The following CELF2 variants were observed in gnomAD, a reference collection of about 807,000 sequenced individuals.
The protein encoded by CELF2 is CUGBP Elav-like family member 2.
A neutral mutation model predicts 62.6 loss-of-function variants in CELF2; 8 were observed. The ratio of observed to expected loss-of-function variants is 0.13; its 90% confidence interval spans 0.07 to 0.23. The LOEUF (loss-of-function observed/expected upper bound fraction) is 0.23. Ranked by LOEUF, CELF2 falls within the 10% of genes least tolerant of loss-of-function variation. The pLI is 1.00. For synonymous variants in CELF2, 258 were observed against 250.0 expected (o/e 1.03, Z -0.30); for missense variants, 333 against 671.0 (o/e 0.50, Z 5.56).
At chr10:11,293,245 T>C (rs1334302231) in intron 9 of CELF2, among the ~76,000 whole-genome samples, 1 of 152,262 alleles carries the variant, frequency 6.6e-6, no homozygotes, top group Non-Finnish European at 1.5e-5. Flanking sequence ...GTTGCAGTGC[T>C]CATTCTTGAG....
chr10:10,665,586 A>G, the CELF2 span, among the ~76,000 whole-genome samples: 1 of 152,216 alleles, frequency 6.6e-6, no homozygotes, highest in East Asian at 1.9e-4. Flanking sequence ...CTATTTCGTA[A>G]GTATCCATTT....
chr10:11,045,027 G>A (rs768097), intron 1 of CELF2, among the ~76,000 whole-genome samples: 47,934 of 152,106 alleles, frequency 0.32, 8,371 homozygotes, highest in East Asian at 0.72. Flanking sequence ...AAGTAAGGCT[G>A]ATATTAACTT....
intron 1 of CELF2, among the ~76,000 whole-genome samples, chr10:11,058,448 G>GT (rs964695810): frequency 2.8e-5 from 4 of 140,364 alleles, no homozygotes; most frequent in Non-Finnish European, 3.1e-5. Flanking sequence ...GGTACTGTTG[G>GT]TTTTTTTTGT....
the CELF2 span, among the ~76,000 whole-genome samples, chr10:10,558,585 G>T: frequency 6.6e-6 from 1 of 151,774 alleles, no homozygotes; most frequent in African/African-American, 2.4e-5. Flanking sequence ...TTTTTCTATT[G>T]ATTGGAATAG....
chr10:10,913,814 A>C (rs2064044085), intron 1 of CELF2, among the ~76,000 whole-genome samples: 1 of 133,382 alleles, frequency 7.5e-6, no homozygotes, highest in African/African-American at 2.8e-5. Flanking sequence ...GGAGAGAGAG[A>C]AAGAAAGGGA....
the CELF2 span, among the ~76,000 whole-genome samples, chr10:10,656,948 C>A: frequency 5.4e-4 from 80 of 147,724 alleles, no homozygotes; most frequent in Admixed American, 1.0e-3. Context: ...AACGTGTCCA[C>A]ACAAAAAAAC....
At chr10:11,210,127 C>T (rs1005312744) in intron 2 of CELF2, among the ~76,000 whole-genome samples, 1 of 152,150 alleles carries the variant, frequency 6.6e-6, no homozygotes, top group African/African-American at 2.4e-5. Context: ...AACATGATGA[C>T]TTTTTTGATG....
the CELF2 span, among the ~76,000 whole-genome samples, chr10:10,638,008 T>C: frequency 6.6e-6 from 1 of 152,178 alleles, no homozygotes; most frequent in South Asian, 2.1e-4. Flanking sequence ...GGGGGATGAA[T>C]AGTTCATCAA....
At chr10:10,608,851 A>G in the CELF2 span, among the ~76,000 whole-genome samples, 1 of 152,170 alleles carries the variant, frequency 6.6e-6, no homozygotes, top group Non-Finnish European at 1.5e-5. Context: ...TCTTAACTAG[A>G]ACTACCTAGA....
At chr10:10,579,952 G>T in the CELF2 span, among the ~76,000 whole-genome samples, 1 of 151,922 alleles carries the variant, frequency 6.6e-6, no homozygotes, top group African/African-American at 2.4e-5. Context: ...AATGAGATTT[G>T]ACTTACAGGA....
At chr10:11,053,945 T>G (rs1030791807) in intron 1 of CELF2, among the ~76,000 whole-genome samples, 4 of 152,154 alleles carry the variant, frequency 2.6e-5, no homozygotes, top group African/African-American at 7.2e-5. Flanking sequence ...TTGTCAGTTC[T>G]GTTTATCGTT....
chr10:10,913,011 A>C (rs1192023606), intron 1 of CELF2, among the ~76,000 whole-genome samples: 1 of 150,742 alleles, frequency 6.6e-6, no homozygotes, highest in Non-Finnish European at 1.5e-5. Flanking sequence ...GGTGTTAAAG[A>C]AGATTCCATT....
intron 1 of CELF2, among the ~76,000 whole-genome samples, chr10:11,091,156 A>T (rs2224867): frequency 6.6e-6 from 1 of 152,156 alleles, no homozygotes; most frequent in African/African-American, 2.4e-5. Context: ...TTTTTTGTCT[A>T]ATCAGCTTCC....
At chr10:10,878,279 T>A (rs1159124649) in intron 1 of CELF2, among the ~76,000 whole-genome samples, 1 of 152,206 alleles carries the variant, frequency 6.6e-6, no homozygotes, top group East Asian at 1.9e-4. Context: ...CACTCTTTCC[T>A]TTGCTTGGTT....
rs928239073 is a variant in CELF2 at position 11,319,274 on chromosome 10, T to C, written c.1097-1915T>C. 5 of 368,042 alleles carry C rather than the reference T, an allele frequency of 1.4e-5. No individual in the cohort carries two copies. The highest frequency in any genetic ancestry group is 1.1e-4 in the African/African-American group (5 of 46,834). 22.8% of individuals were successfully genotyped at this position (368,042 alleles called of 1,614,324 possible). ...CCAGCCCTTCCCGAGTTATTGTACA[T>C]ACCCCTCTCACCTATCTCAAAAAAC... On this transcript the variant is annotated intron_variant, in intron 10 of 12. Transcript: ENST00000633077. This position sits in a 1 kb window ranked among gnomAD's most constrained non-coding sequence, Gnocchi z 4.4.
chr10:10,822,024 C>T (rs539851740), intron 1 of CELF2, among the ~76,000 whole-genome samples: 13 of 152,318 alleles, frequency 8.5e-5, no homozygotes, highest in Non-Finnish European at 1.9e-4. Flanking sequence ...ATGTTTTGAG[C>T]TGGCACACAG....
chr10:10,760,357 G>A, the CELF2 span, among the ~76,000 whole-genome samples: 1 of 152,180 alleles, frequency 6.6e-6, no homozygotes, highest in Non-Finnish European at 1.5e-5. Flanking sequence ...ATGTGACCCA[G>A]ACTGGCACCT....
chr10:11,312,888 C>G lies in CELF2; in HGVS notation c.977-1251C>G, dbSNP rs61197279. Among the ~76,000 whole-genome samples, 1,483 of 152,302 alleles carry G rather than the reference C, an allele frequency of 9.7e-3. 25 individuals are homozygous for G. Among genetic ancestry groups the G allele is most frequent in the Middle Eastern group, 0.048 (14 of 294 alleles). The stretch of plus-strand genomic sequence containing the variant: ...GGCAGGGGTTGCAGTGGGCCAAGAT[C>G]ATGCCACTGCACTCCAGTCTGGGCG... On this transcript the variant is annotated intron_variant, in intron 9 of 12. Transcript: ENST00000633077.
At chr10:11,027,721 C>G (rs1450601441) in intron 1 of CELF2, among the ~76,000 whole-genome samples, 2 of 152,208 alleles carry the variant, frequency 1.3e-5, no homozygotes, top group Non-Finnish European at 2.9e-5. Context: ...GGGCATCCTT[C>G]AAGGCTAGGC....
Sources: gnomAD v4.1 joint callset for allele counts (sites outside exome capture counted in the v4.1 genomes callset) on GRCh38, gnomAD v4.1.1 for gene constraint, Gnocchi (gnomAD v3.1) non-coding constraint, MANE v1.5 for transcripts, NCBI Gene and HGNC (gene_info 2026-07-23, HGNC 2026-07-21) for gene names.